Variants in DRC8 observed in about 807,000 individuals in gnomAD.
DRC8 encodes the protein dynein regulatory complex subunit 8.
At chr1:244,991,902 T>C in the DRC8 span, among the ~76,000 whole-genome samples, 6 of 152,352 alleles carry the variant, frequency 3.9e-5, no homozygotes, top group African/African-American at 1.2e-4. Context: ...GCTGTTACAA[T>C]TGACTGTCTG....
the DRC8 span, chr1:245,123,851 AC>A: frequency 6.5e-6 from 1 of 152,920 alleles, no homozygotes; most frequent in Non-Finnish European, 1.5e-5. This position sits in a 1 kb window ranked among gnomAD's most constrained non-coding sequence, Gnocchi z 5.0. Context: ...TGCAGGTGGC[AC>A]TCACTGTGGT....
chr1:245,057,191 C>T, the DRC8 span, among the ~76,000 whole-genome samples: 3 of 152,110 alleles, frequency 2.0e-5, no homozygotes, highest in Admixed American at 6.6e-5. Flanking sequence ...TTGTAACATC[C>T]GGTTAGGTTG....
chr1:244,992,055 C>T, the DRC8 span, among the ~76,000 whole-genome samples: 81 of 152,320 alleles, frequency 5.3e-4, no homozygotes, highest in Middle Eastern at 0.01. Flanking sequence ...AACTAGCAAA[C>T]GCAGTTGACA....
chr1:245,036,554 A>G, the DRC8 span, among the ~76,000 whole-genome samples: 1 of 152,370 alleles, frequency 6.6e-6, no homozygotes, highest in East Asian at 1.9e-4. Context: ...TGATCATAGT[A>G]GCATTATTTA....
chr1:245,072,837 G>A, the DRC8 span, among the ~76,000 whole-genome samples: 1 of 152,054 alleles, frequency 6.6e-6, no homozygotes, highest in Non-Finnish European at 1.5e-5. Flanking sequence ...AAACTGCGTG[G>A]CTCCTCCCTC....
the DRC8 span, among the ~76,000 whole-genome samples, chr1:245,017,642 C>T: frequency 1.3e-5 from 2 of 152,098 alleles, no homozygotes; most frequent in Non-Finnish European, 2.9e-5. Context: ...AGGAAATAGT[C>T]GTTGAGTGAA....
At chr1:244,990,040 G>T in the DRC8 span, among the ~76,000 whole-genome samples, 1 of 152,160 alleles carries the variant, frequency 6.6e-6, no homozygotes, top group African/African-American at 2.4e-5. Flanking sequence ...GACATCTTCT[G>T]CTTCTGACAT....
At chr1:245,087,484 A>G in the DRC8 span, 3 of 1,399,892 alleles carry the variant, frequency 2.1e-6, no homozygotes, top group Non-Finnish European at 2.8e-6. Flanking sequence ...AACTATTTTA[A>G]GACACTTTGT....
chr1:245,075,269 A>G, the DRC8 span, among the ~76,000 whole-genome samples: 3 of 152,256 alleles, frequency 2.0e-5, no homozygotes, highest in African/African-American at 7.2e-5. Flanking sequence ...ACGCCCTCAG[A>G]TAGGCACTTA....
the DRC8 span, among the ~76,000 whole-genome samples, chr1:245,066,200 A>G: frequency 3.3e-5 from 5 of 152,284 alleles, no homozygotes; most frequent in African/African-American, 9.6e-5. Flanking sequence ...TCTTTACTGC[A>G]ATTTTAATAA....
the DRC8 span, among the ~76,000 whole-genome samples, chr1:245,090,643 C>A: frequency 6.6e-6 from 1 of 151,742 alleles, no homozygotes; most frequent in Non-Finnish European, 1.5e-5. Context: ...AAAACTCCCA[C>A]GTGTCAGAGG....
the DRC8 span, among the ~76,000 whole-genome samples, chr1:245,077,530 T>C: frequency 6.6e-6 from 1 of 152,202 alleles, no homozygotes; most frequent in Non-Finnish European, 1.5e-5. Context: ...AACAGTCATA[T>C]AGACTATTGG....
chr1:245,115,724 C>G, the DRC8 span, among the ~76,000 whole-genome samples: 1 of 152,178 alleles, frequency 6.6e-6, no homozygotes, highest in Non-Finnish European at 1.5e-5. Context: ...AAATCACACA[C>G]CAGTGGCCAA....
At chr1:245,085,400 A>C in the DRC8 span, among the ~76,000 whole-genome samples, 1 of 152,208 alleles carries the variant, frequency 6.6e-6, no homozygotes, top group Non-Finnish European at 1.5e-5. Context: ...TGTTGAATGA[A>C]TGAGTGAATG....
the DRC8 span, among the ~76,000 whole-genome samples, chr1:245,029,926 T>G: frequency 6.6e-6 from 1 of 152,184 alleles, no homozygotes; most frequent in Non-Finnish European, 1.5e-5. Flanking sequence ...CTTGATCAAG[T>G]GCAAATTTTG....
the DRC8 span, among the ~76,000 whole-genome samples, chr1:244,985,694 G>A: frequency 6.6e-6 from 1 of 151,462 alleles, no homozygotes; most frequent in South Asian, 2.1e-4. Context: ...TGAAACCCCC[G>A]TCTCTACTAA....
chr1:244,992,433 C>T, the DRC8 span, among the ~76,000 whole-genome samples: 10 of 152,222 alleles, frequency 6.6e-5, no homozygotes, highest in East Asian at 1.7e-3. Context: ...ACTAGGATTA[C>T]AGAAGTAAAA....
At chr1:245,124,351 C>T in the DRC8 span, 147 of 152,358 alleles carry the variant, frequency 9.6e-4, 2 homozygotes, top group East Asian at 0.015. Flanking sequence ...ACAGTGGCAA[C>T]GTTCTCAAGC....
the DRC8 span, among the ~76,000 whole-genome samples, chr1:245,000,072 GC>G: frequency 2.6e-5 from 4 of 152,208 alleles, no homozygotes; most frequent in African/African-American, 9.6e-5. Flanking sequence ...ACCTGCCTCA[GC>G]CTCCCAGGGT....
Sources: allele counts gnomAD v4.1 joint callset (sites outside exome capture counted in the v4.1 genomes callset), GRCh38; gene constraint gnomAD v4.1.1; non-coding constraint Gnocchi (gnomAD v3.1); transcripts MANE v1.5; gene names NCBI Gene and HGNC (gene_info 2026-07-23, HGNC 2026-07-21).